Variants in SPMAP2L observed in about 807,000 individuals in gnomAD.
SPMAP2L encodes the protein sperm microtubule associated protein 2 like.
chr4:56,607,485 G>C, the SPMAP2L span, among the ~76,000 whole-genome samples: 3 of 152,166 alleles, frequency 2.0e-5, no homozygotes, highest in Admixed American at 2.0e-4. Context: ...GGAGTACTGT[G>C]TAACAAATAC....
At chr4:56,536,295 C>T in the SPMAP2L span, among the ~76,000 whole-genome samples, 2 of 152,228 alleles carry the variant, frequency 1.3e-5, no homozygotes, top group African/African-American at 2.4e-5. Flanking sequence ...ACTCCCCTGT[C>T]GGTTTTTGCT....
At chr4:56,594,610 T>G in the SPMAP2L span, 1 of 1,496,562 alleles carries the variant, frequency 6.7e-7, no homozygotes, top group South Asian at 1.1e-5. Flanking sequence ...AATCAACACA[T>G]GGGACCAACC....
chr4:56,560,707 T>C, the SPMAP2L span, among the ~76,000 whole-genome samples: 2 of 151,694 alleles, frequency 1.3e-5, no homozygotes, highest in African/African-American at 4.8e-5. Flanking sequence ...GGATTACAGA[T>C]GTGAGCCACT....
chr4:56,610,615 A>G, the SPMAP2L span, among the ~76,000 whole-genome samples: 1 of 152,340 alleles, frequency 6.6e-6, no homozygotes, highest in East Asian at 1.9e-4. Context: ...ACTTAATTAA[A>G]CTAAAGAGCT....
At chr4:56,580,359 G>A in the SPMAP2L span, among the ~76,000 whole-genome samples, 3 of 151,704 alleles carry the variant, frequency 2.0e-5, no homozygotes, top group Non-Finnish European at 1.5e-5. Context: ...TTAATAGAAT[G>A]AAAAAAACAA....
chr4:56,603,422 C>T, the SPMAP2L span: 1 of 751,670 alleles, frequency 1.3e-6, no homozygotes, highest in Non-Finnish European at 2.0e-6. Context: ...ACATTCACCC[C>T]TTGCTTCCCC....
chr4:56,594,113 C>A, the SPMAP2L span: 1 of 1,606,800 alleles, frequency 6.2e-7, no homozygotes, highest in Non-Finnish European at 8.5e-7. Flanking sequence ...CGATTTGTTG[C>A]GGATCTTTGT....
chr4:56,535,289 G>A, the SPMAP2L span, among the ~76,000 whole-genome samples: 1 of 152,158 alleles, frequency 6.6e-6, no homozygotes, highest in Non-Finnish European at 1.5e-5. Context: ...AAAGAAAGAA[G>A]TAAAAACTAA....
the SPMAP2L span, among the ~76,000 whole-genome samples, chr4:56,598,902 T>C: frequency 6.6e-6 from 1 of 151,952 alleles, no homozygotes; most frequent in South Asian, 2.1e-4. Context: ...GTTCTCCTGA[T>C]AGTTAGTGAG....
chr4:56,600,899 G>T, the SPMAP2L span: 1 of 1,513,824 alleles, frequency 6.6e-7, no homozygotes, highest in Non-Finnish European at 8.8e-7. Flanking sequence ...GTAAAATTTG[G>T]GATATATTTT....
the SPMAP2L span, among the ~76,000 whole-genome samples, chr4:56,572,042 AT>A: frequency 2.6e-5 from 4 of 152,010 alleles, no homozygotes; most frequent in East Asian, 3.9e-4. Context: ...TTTACAGTTA[AT>A]TTTTTTTATA....
At chr4:56,560,815 G>A in the SPMAP2L span, among the ~76,000 whole-genome samples, 2 of 152,036 alleles carry the variant, frequency 1.3e-5, no homozygotes, top group African/African-American at 2.4e-5. Context: ...GCCTGATCTC[G>A]GCTTACTGCA....
the SPMAP2L span, among the ~76,000 whole-genome samples, chr4:56,589,206 C>G: frequency 2.7e-3 from 412 of 152,172 alleles, 1 homozygote; most frequent in South Asian, 0.011. Context: ...CCAGGCTGGT[C>G]TCGAACTCCT....
chr4:56,573,714 T>C, the SPMAP2L span, among the ~76,000 whole-genome samples: 1 of 152,058 alleles, frequency 6.6e-6, no homozygotes, highest in Non-Finnish European at 1.5e-5. Context: ...CTGGGCTATG[T>C]GTGGGTATGG....
At chr4:56,532,332 A>G in the SPMAP2L span, among the ~76,000 whole-genome samples, 1 of 151,900 alleles carries the variant, frequency 6.6e-6, no homozygotes, top group Non-Finnish European at 1.5e-5. Context: ...TGTACCCATG[A>G]ATTCTGCCTT....
chr4:56,582,807 C>T, the SPMAP2L span, among the ~76,000 whole-genome samples: 2 of 152,040 alleles, frequency 1.3e-5, no homozygotes, highest in Non-Finnish European at 2.9e-5. Flanking sequence ...AAACTGGCAA[C>T]AATTCAAATG....
chr4:56,607,198 C>T, the SPMAP2L span, among the ~76,000 whole-genome samples: 1 of 152,134 alleles, frequency 6.6e-6, no homozygotes, highest in Admixed American at 6.5e-5. Flanking sequence ...GTCTGAAGGA[C>T]TCTGCTCTAA....
At chr4:56,547,055 T>C in the SPMAP2L span, among the ~76,000 whole-genome samples, 1 of 152,230 alleles carries the variant, frequency 6.6e-6, no homozygotes, top group Non-Finnish European at 1.5e-5. Context: ...TGCTTGCCTA[T>C]AGGAGCCAAA....
the SPMAP2L span, among the ~76,000 whole-genome samples, chr4:56,556,193 G>A: frequency 6.6e-6 from 1 of 152,258 alleles, no homozygotes; most frequent in Non-Finnish European, 1.5e-5. Context: ...AAAACCAGAG[G>A]CAAGAAGATA....
Sources: allele counts gnomAD v4.1 joint callset (sites outside exome capture counted in the v4.1 genomes callset), GRCh38; gene constraint gnomAD v4.1.1; transcripts MANE v1.5; gene names NCBI Gene and HGNC (gene_info 2026-07-23, HGNC 2026-07-21).